Variants in FAT3 observed in about 807,000 individuals in gnomAD.
The protein encoded by FAT3 is protocadherin Fat 3.
Under a neutral mutation model 310.2 loss-of-function variants are expected in FAT3, and 95 were observed. The ratio of observed to expected loss-of-function variants is 0.31; its 90% CI spans 0.26 to 0.36. The LOEUF (loss-of-function observed/expected upper bound fraction) is 0.36, where lower values mean the gene tolerates loss of function less well. FAT3 is among the 10% of genes least tolerant of loss of function. The pLI, the probability that FAT3 is intolerant of heterozygous loss-of-function variation, is 1.00. For synonymous variants in FAT3, 2,314 were observed against 2,192.9 expected, an observed-to-expected ratio of 1.06 and a Z score of -1.54; for missense variants, 5,408 against 5,715.6, an observed-to-expected ratio of 0.95 and a Z score of 1.74.
intron 2 of FAT3, among the ~76,000 whole-genome samples, chr11:92,358,943 A>G (rs993132885): frequency 6.6e-6 from 1 of 152,184 alleles, no homozygotes; most frequent in Non-Finnish European, 1.5e-5. Context: ...GCTTGGATTT[A>G]AGTCTTTTAA....
chr11:92,606,764 A>T (rs961674047), intron 3 of FAT3, among the ~76,000 whole-genome samples: 2 of 152,198 alleles, frequency 1.3e-5, no homozygotes, highest in South Asian at 4.1e-4. Context: ...CTGTGGAACT[A>T]GCACTTAAAG....
intron 2 of FAT3, 51 bp from the exon 3 acceptor site, chr11:92,524,583 T>A: frequency 6.5e-7 from 1 of 1,545,108 alleles, no homozygotes; most frequent in South Asian, 1.2e-5. Context: ...GATTATTTAT[T>A]TAATGTCTTC....
At chr11:92,835,115 A>G in intron 15 of FAT3, 31 bp downstream of exon 15, 1 of 1,577,708 alleles carries the variant, frequency 6.3e-7, no homozygotes, top group Non-Finnish European at 8.7e-7. Context: ...ATGGTTCTAG[A>G]TGTTTGGGAC....
chr11:92,295,249 T>G (rs1946819138), intron 1 of FAT3, among the ~76,000 whole-genome samples: 1 of 152,120 alleles, frequency 6.6e-6, no homozygotes, highest in Non-Finnish European at 1.5e-5. Flanking sequence ...CATGCAGGGA[T>G]GAAAAATGTC....
chr11:92,798,653 A>T lies in FAT3; in HGVS notation c.5640A>T (p.Pro1880=), dbSNP rs112861382. ...NIEVTDVNDN[P]PVFTQAVFET... ...AGGTGACAGATGTGAATGATAACCC[A>T]CCTGTTTTTACTCAGGCTGTGTTTG... is the stretch of plus-strand genomic sequence containing the variant. Residue 1880 remains proline, a synonymous_variant, in exon 10 of 28, where the codon CCA becomes CCT. Transcript: ENST00000525166. 4.3e-6 allele frequency: 7 copies of T among 1,613,394 alleles called. No homozygotes were observed. The highest frequency in any genetic ancestry group is 1.3e-5 in the African/African-American group (1 of 74,912).
rs200065507 is a variant in FAT3, at chr11:92,353,410, G to A, written c.1298G>A (p.Arg433Gln). 5.6e-5 allele frequency: 90 copies of A among 1,613,408 alleles called. No individual in the cohort carries two copies. The highest frequency in any genetic ancestry group is 6.8e-5 in the Non-Finnish European group (80 of 1,179,744). ...CGGTCGGGTCTGATTGTTACAGCAC[G>A]GCCACTGAATACTGTTAAGAAGGAG... The part of the protein sequence containing the change: ...NPRSGLIVTA[R>Q]PLNTVKKEVY... The change falls in exon 2 of 28, where the codon CGG becomes CAG. Residue 433 changes from arginine (R) to glutamine (Q), a missense_variant. Coordinates refer to ENST00000525166, the MANE Select transcript of FAT3 (RefSeq NM_001367949.2).
intron 3 of FAT3, among the ~76,000 whole-genome samples, chr11:92,670,644 T>C (rs574647347): frequency 9.1e-4 from 139 of 152,340 alleles, no homozygotes; most frequent in Middle Eastern, 6.8e-3. Context: ...CTGAATTCCA[T>C]TGCCTGAAAT....
At chr11:92,270,818 A>G (rs757939023) in intron 1 of FAT3, among the ~76,000 whole-genome samples, 1 of 152,042 alleles carries the variant, frequency 6.6e-6, no homozygotes, top group Non-Finnish European at 1.5e-5. Context: ...TTATTCCACT[A>G]TACCCCTAAA....
intron 2 of FAT3, among the ~76,000 whole-genome samples, chr11:92,429,575 G>A (rs1208285502): frequency 1.3e-5 from 2 of 152,122 alleles, no homozygotes; most frequent in African/African-American, 4.8e-5. Context: ...GGCAGGCCTG[G>A]TGGTAACAAG....
intron 9 of FAT3, among the ~76,000 whole-genome samples, chr11:92,796,288 T>C (rs1469377801): frequency 6.6e-6 from 1 of 152,220 alleles, no homozygotes; most frequent in African/African-American, 2.4e-5. Context: ...CATGTTTAGG[T>C]GGCAAAGTAA....
intron 2 of FAT3, among the ~76,000 whole-genome samples, chr11:92,494,773 C>G (rs2135249827): frequency 6.6e-6 from 1 of 152,110 alleles, no homozygotes; most frequent in South Asian, 2.1e-4. Context: ...TCAGGAAACA[C>G]TTAACAGAAC....
chr11:92,245,340 G>A (rs559836326), intron 1 of FAT3, among the ~76,000 whole-genome samples: 14 of 152,110 alleles, frequency 9.2e-5, no homozygotes, highest in East Asian at 3.9e-4. Context: ...GGGGCCTGTC[G>A]GGGGGTGGCG....
At chr11:92,851,347 T>C (rs1391783031) in intron 19 of FAT3, among the ~76,000 whole-genome samples, 1 of 152,226 alleles carries the variant, frequency 6.6e-6, no homozygotes, top group African/African-American at 2.4e-5. Flanking sequence ...CAAGTTGCTT[T>C]CACATACACT....
At chr11:92,355,435 G>A in intron 2 of FAT3, 31 bp downstream of exon 2, 1 of 1,572,986 alleles carries the variant, frequency 6.4e-7, no homozygotes, top group Non-Finnish European at 8.7e-7. Context: ...CAAGAGTGTT[G>A]TTTCACCTCT....
chr11:92,325,956 G>A (rs939759082), intron 1 of FAT3, among the ~76,000 whole-genome samples: 3 of 152,132 alleles, frequency 2.0e-5, no homozygotes, highest in Non-Finnish European at 4.4e-5. Flanking sequence ...GTGGGGATGT[G>A]TATATTTCTT....
chr11:92,837,241 CA>C (rs2136275146), intron 16 of FAT3, among the ~76,000 whole-genome samples: 1 of 152,318 alleles, frequency 6.6e-6, no homozygotes, highest in South Asian at 2.1e-4. Flanking sequence ...CTGGGTGATA[CA>C]TGCTCATAAC....
intron 7 of FAT3, among the ~76,000 whole-genome samples, chr11:92,775,199 A>G (rs753353370): frequency 2.2e-4 from 33 of 152,158 alleles, no homozygotes; most frequent in Admixed American, 2.6e-4. Context: ...GTGAAGGTGA[A>G]ATTTTTGCCA....
chr11:92,797,743 C>T, intron 9 of FAT3, 93 bp from the exon 10 acceptor site: 1 of 1,078,636 alleles, frequency 9.3e-7, no homozygotes, highest in Non-Finnish European at 1.4e-6. Flanking sequence ...CTACTTGCCA[C>T]ATTGCAGTAA....
intron 2 of FAT3, among the ~76,000 whole-genome samples, chr11:92,439,943 A>AG (rs1366793211): frequency 6.6e-6 from 1 of 151,952 alleles, no homozygotes; most frequent in Non-Finnish European, 1.5e-5. Flanking sequence ...AAAGAAAGAA[A>AG]AAAAAAAAAC....
Sources: allele counts gnomAD v4.1 joint callset (sites outside exome capture counted in the v4.1 genomes callset), GRCh38; gene constraint gnomAD v4.1.1; transcripts MANE v1.5; gene names NCBI Gene and HGNC (gene_info 2026-07-23, HGNC 2026-07-21).